Variants in ZNF804A observed in about 807,000 individuals in gnomAD.
ZNF804A encodes zinc finger protein 804A.
ZNF804A carries 2 observed loss-of-function variants against 16.5 expected under a neutral mutation model. The observed-to-expected ratio is 0.12, with a 90% CI of 0.05 to 0.38. ZNF804A has a LOEUF of 0.38. Ranked by LOEUF, ZNF804A falls within the 10% of genes least tolerant of loss-of-function variation. ZNF804A has a pLI of 0.99. For synonymous variants in ZNF804A, 534 were observed against 489.6 expected, an observed-to-expected ratio of 1.09 and a Z score of -1.20; for missense variants, 1,473 against 1,390.7, an observed-to-expected ratio of 1.06 and a Z score of -0.94.
intron 1 of ZNF804A, among the ~76,000 whole-genome samples, chr2:184,604,838 T>C (rs2105667028): frequency 6.6e-6 from 1 of 152,272 alleles, no homozygotes; most frequent in East Asian, 1.9e-4. Flanking sequence ...TTGCTTGAAC[T>C]GAATTAACAG....
intron 1 of ZNF804A, among the ~76,000 whole-genome samples, chr2:184,636,469 G>T (rs1178592807): frequency 6.9e-6 from 1 of 145,016 alleles, no homozygotes; most frequent in African/African-American, 2.6e-5. Context: ...GAGAGAGAGA[G>T]AGAGAGAGGT....
At chr2:184,832,537 C>T (rs1035773043) in intron 1 of ZNF804A, among the ~76,000 whole-genome samples, 2 of 151,918 alleles carry the variant, frequency 1.3e-5, no homozygotes, top group Non-Finnish European at 2.9e-5. Context: ...GTCCAGTTAT[C>T]TTCTTTCATA....
At chr2:184,790,687 T>TC (rs1694525179) in intron 1 of ZNF804A, among the ~76,000 whole-genome samples, 1 of 151,968 alleles carries the variant, frequency 6.6e-6, no homozygotes, top group African/African-American at 2.4e-5. Flanking sequence ...CACTGCAAGC[T>TC]CCCCCTCCTA....
At chr2:184,859,928 G>C (rs925323407) in intron 1 of ZNF804A, among the ~76,000 whole-genome samples, 1 of 152,220 alleles carries the variant, frequency 6.6e-6, no homozygotes, top group African/African-American at 2.4e-5. Context: ...GGTGGGCCAT[G>C]AGCCTGAGTC....
intron 1 of ZNF804A, among the ~76,000 whole-genome samples, chr2:184,698,748 C>T (rs1053259886): frequency 4.6e-5 from 7 of 152,062 alleles, no homozygotes; most frequent in Non-Finnish European, 1.0e-4. Context: ...TCAGAGTTGG[C>T]TATATACTTA....
At chr2:184,846,683 T>C (rs1695521801) in intron 1 of ZNF804A, among the ~76,000 whole-genome samples, 1 of 152,076 alleles carries the variant, frequency 6.6e-6, no homozygotes, top group Admixed American at 6.6e-5. Flanking sequence ...AAATATACTA[T>C]CCTTCAGATT....
intron 2 of ZNF804A, among the ~76,000 whole-genome samples, chr2:184,878,406 GC>G (rs1166964751): frequency 1.3e-5 from 2 of 152,018 alleles, no homozygotes; most frequent in Non-Finnish European, 1.5e-5. Context: ...GGCTATACTA[GC>G]TTCCGACTTC....
chr2:184,799,681 G>T (rs536675179), intron 1 of ZNF804A, among the ~76,000 whole-genome samples: 59 of 152,084 alleles, frequency 3.9e-4, no homozygotes, highest in African/African-American at 1.4e-3. Flanking sequence ...ACACCGTTAT[G>T]CCTGGCTACT....
At chr2:184,906,223 A>C (rs1450001303) in intron 2 of ZNF804A, among the ~76,000 whole-genome samples, 1 of 152,188 alleles carries the variant, frequency 6.6e-6, no homozygotes, top group Admixed American at 6.5e-5. Flanking sequence ...CTAACTATAC[A>C]ATATAATCTA....
At chr2:184,720,395 A>G (rs1326778383) in intron 1 of ZNF804A, among the ~76,000 whole-genome samples, 2 of 152,194 alleles carry the variant, frequency 1.3e-5, no homozygotes. Context: ...GATCTGATAA[A>G]TAAATTCAGG....
At chr2:184,767,472 G>C (rs1285947893) in intron 1 of ZNF804A, among the ~76,000 whole-genome samples, 2 of 151,992 alleles carry the variant, frequency 1.3e-5, no homozygotes, top group Non-Finnish European at 2.9e-5. Context: ...TTGTTTAATG[G>C]GTATAGAGTT....
At chr2:184,607,293 A>G (rs1196196340) in intron 1 of ZNF804A, among the ~76,000 whole-genome samples, 1 of 152,220 alleles carries the variant, frequency 6.6e-6, no homozygotes, top group Non-Finnish European at 1.5e-5. Context: ...TCATGCTGCT[A>G]TAAGGACATA....
chr2:184,636,992 TG>T (rs368929125), intron 1 of ZNF804A, among the ~76,000 whole-genome samples: 282 of 152,322 alleles, frequency 1.9e-3, no homozygotes, highest in Middle Eastern at 6.8e-3. Flanking sequence ...TTGAAATCAA[TG>T]CAATTTAAAA....
chr2:184,892,338 G>A (rs563689496), intron 2 of ZNF804A, among the ~76,000 whole-genome samples: 102 of 152,246 alleles, frequency 6.7e-4, no homozygotes, highest in Non-Finnish European at 1.1e-3. Flanking sequence ...AGCAGTCAGA[G>A]TTAGAGAAAA....
intron 1 of ZNF804A, among the ~76,000 whole-genome samples, chr2:184,820,765 C>T (rs1417478785): frequency 6.6e-6 from 1 of 151,956 alleles, no homozygotes; most frequent in Non-Finnish European, 1.5e-5. Flanking sequence ...CATTCTTATA[C>T]ACAACAACAG....
chr2:184,897,419 C>T (rs1685086966), intron 2 of ZNF804A, among the ~76,000 whole-genome samples: 1 of 150,746 alleles, frequency 6.6e-6, no homozygotes, highest in Admixed American at 6.6e-5. Flanking sequence ...GATTTTTCCC[C>T]CCCTTTTTTC....
chr2:184,730,344 T>C (rs1282784231), intron 1 of ZNF804A, among the ~76,000 whole-genome samples: 1 of 152,146 alleles, frequency 6.6e-6, no homozygotes, highest in Non-Finnish European at 1.5e-5. Flanking sequence ...ACCAGAGTAG[T>C]ATATTTGTTA....
intron 1 of ZNF804A, among the ~76,000 whole-genome samples, chr2:184,750,162 G>T (rs1274204616): frequency 3.3e-5 from 5 of 151,106 alleles, no homozygotes; most frequent in African/African-American, 9.7e-5. Context: ...AATTTATTGA[G>T]GAGTGATAAC....
At chr2:184,607,936 C>CTCTT (rs1553520325) in intron 1 of ZNF804A, among the ~76,000 whole-genome samples, 19 of 65,654 alleles carry the variant, frequency 2.9e-4, no homozygotes, top group African/African-American at 1.1e-3. Context: ...TGATGCATCT[C>CTCTT]TTTTTTTTTT....
Sources: gnomAD v4.1 joint callset for allele counts (sites outside exome capture counted in the v4.1 genomes callset) on GRCh38, gnomAD v4.1.1 for gene constraint, MANE v1.5 for transcripts, NCBI Gene and HGNC (gene_info 2026-07-23, HGNC 2026-07-21) for gene names.